Variants in KIF6 observed in about 807,000 individuals in gnomAD.
KIF6 encodes the protein kinesin-like protein KIF6.
Under a neutral mutation model 112.7 loss-of-function variants are expected in KIF6, and 106 were observed. The ratio of observed to expected loss-of-function variants is 0.94; its 90% CI spans 0.80 to 1.11. The LOEUF is 1.11. KIF6 is among the 50% of genes least tolerant of loss of function. The pLI is 0.00. For missense variants in KIF6, 929 were observed against 964.0 expected, an observed-to-expected ratio of 0.96 and a Z score of 0.48; for synonymous variants, 339 against 339.9, an observed-to-expected ratio of 1.00 and a Z score of 0.03.
intron 13 of KIF6, among the ~76,000 whole-genome samples, chr6:39,515,094 A>G (rs1287618007): frequency 1.3e-5 from 2 of 152,224 alleles, no homozygotes; most frequent in Non-Finnish European, 2.9e-5. Flanking sequence ...TGCACATTAA[A>G]TTCATGTGGA....
chr6:39,714,524 T>C (rs1397361441), intron 3 of KIF6, among the ~76,000 whole-genome samples, 168 bp downstream of exon 3: 1 of 152,184 alleles, frequency 6.6e-6, no homozygotes, highest in Non-Finnish European at 1.5e-5. Flanking sequence ...AGAATCTAAA[T>C]CTAAAACAAA....
chr6:39,685,912 A>C (rs1426659365), intron 3 of KIF6, among the ~76,000 whole-genome samples: 1 of 152,192 alleles, frequency 6.6e-6, no homozygotes, highest in East Asian at 1.9e-4. Context: ...CTTTGTAGCA[A>C]ATTAAACTCA....
intron 13 of KIF6, among the ~76,000 whole-genome samples, chr6:39,518,634 T>C (rs1271555596): frequency 6.6e-6 from 1 of 152,218 alleles, no homozygotes; most frequent in South Asian, 2.1e-4. Flanking sequence ...AAGGAAAAGA[T>C]GTCATGTATA....
rs532024724 is a variant in KIF6 at position 39,569,249 on chromosome 6, T to TAA, written c.1181+8805_1181+8806dup. Among the ~76,000 whole-genome samples, 54 of 152,358 alleles carry TAA rather than the reference T, an allele frequency of 3.5e-4. 1 individual carries two copies. In the South Asian group the frequency reaches 9.5e-3, roughly 27 times the overall value. On this transcript the variant is annotated intron_variant, in intron 10 of 22. Transcript: ENST00000287152. ...TTAAGTACTGACAAGAGACTGTCCC[T>TAA]AAAAGACTGGTTTGGTATCTAATTT...
chr6:39,464,964 C>CA (rs1773703243), intron 13 of KIF6, among the ~76,000 whole-genome samples: 1 of 152,184 alleles, frequency 6.6e-6, no homozygotes, highest in African/African-American at 2.4e-5. Flanking sequence ...TGCTTGTTAG[C>CA]CACTTGAGCA....
intron 13 of KIF6, among the ~76,000 whole-genome samples, chr6:39,523,534 C>T (rs1777514521): frequency 6.6e-6 from 1 of 150,890 alleles, no homozygotes; most frequent in South Asian, 2.1e-4. Context: ...CAACCAAATG[C>T]TTTTGCAACA....
chr6:39,444,370 G>A (rs1462119867), intron 13 of KIF6, among the ~76,000 whole-genome samples: 1 of 152,138 alleles, frequency 6.6e-6, no homozygotes, highest in African/African-American at 2.4e-5. Context: ...GCAGGTATAT[G>A]TTGTGAATGA....
At chr6:39,662,992 T>C (rs1447243900) in intron 3 of KIF6, among the ~76,000 whole-genome samples, 1 of 151,830 alleles carries the variant, frequency 6.6e-6, no homozygotes, top group African/African-American at 2.4e-5. Flanking sequence ...CCTCACAGAC[T>C]CAATTGATCC....
chr6:39,461,438 T>C (rs1332024735), intron 13 of KIF6, among the ~76,000 whole-genome samples: 1 of 152,210 alleles, frequency 6.6e-6, no homozygotes, highest in African/African-American at 2.4e-5. Flanking sequence ...GAAACTATGA[T>C]GTAAGTCATA....
At chr6:39,720,907 A>G in intron 1 of KIF6, 96 bp from the exon 2 acceptor site, 1 of 637,624 alleles carries the variant, frequency 1.6e-6, no homozygotes, top group Non-Finnish European at 2.8e-6. Context: ...TGAAAATTAT[A>G]CTCTTAAGAT....
chr6:39,680,882 T>C (rs1483365530), intron 3 of KIF6, among the ~76,000 whole-genome samples: 1 of 152,162 alleles, frequency 6.6e-6, no homozygotes, highest in African/African-American at 2.4e-5. Context: ...AGGTGGGGAA[T>C]GCAAAAGTGA....
At chr6:39,572,529 T>G (rs1210363902) in intron 10 of KIF6, among the ~76,000 whole-genome samples, 1 of 152,124 alleles carries the variant, frequency 6.6e-6, no homozygotes, top group South Asian at 2.1e-4. Flanking sequence ...TCCAGACACT[T>G]TGGGGCAAGA....
intron 10 of KIF6, among the ~76,000 whole-genome samples, chr6:39,577,040 T>C (rs768074956): frequency 3.9e-5 from 6 of 152,212 alleles, no homozygotes; most frequent in Non-Finnish European, 8.8e-5. Context: ...AGAAATGACA[T>C]AAAACTTTTT....
intron 13 of KIF6, among the ~76,000 whole-genome samples, chr6:39,501,019 C>T (rs1278471706): frequency 1.3e-5 from 2 of 152,126 alleles, no homozygotes. Context: ...GGATACAGCA[C>T]CTTCAACTGA....
At chr6:39,610,159 T>G (rs1358123563) in intron 6 of KIF6, among the ~76,000 whole-genome samples, 1 of 152,318 alleles carries the variant, frequency 6.6e-6, no homozygotes, top group Middle Eastern at 3.4e-3. Flanking sequence ...TTGCGACTGG[T>G]GGACTTGGAT....
intron 1 of KIF6, 118 bp from the exon 2 acceptor site, chr6:39,720,929 A>T: frequency 3.4e-6 from 2 of 591,440 alleles, no homozygotes; most frequent in East Asian, 5.6e-5. Flanking sequence ...AAAAAGTCAT[A>T]ATATCATATA....
At chr6:39,650,936 GA>G (rs199911143) in intron 3 of KIF6, among the ~76,000 whole-genome samples, 49 of 149,384 alleles carry the variant, frequency 3.3e-4, no homozygotes, top group Middle Eastern at 3.4e-3. Flanking sequence ...GAATTTACAG[GA>G]AAAAAAAAAT....
chr6:39,400,443 T>C lies in KIF6; in HGVS notation c.1811-14771A>G, dbSNP rs893843167. 7.2e-4 allele frequency among the ~76,000 whole-genome samples: 110 copies of C among 152,366 alleles called. 1 individual carries two copies. The highest frequency in any genetic ancestry group is 2.5e-3 in the African/African-American group (106 of 41,590). On this transcript the variant is annotated intron_variant, in intron 15 of 22. Transcript: ENST00000287152. ...TAAAAATATCAAAAGCAAGTATTTT[T>C]CAGACAGCTTTATACCGGCCACACT...
intron 3 of KIF6, among the ~76,000 whole-genome samples, chr6:39,645,588 G>T (rs1276391895): frequency 6.6e-6 from 1 of 152,112 alleles, no homozygotes. Flanking sequence ...TTGCATCGAT[G>T]TTCATCAGGG....
Sources: allele counts gnomAD v4.1 joint callset (sites outside exome capture counted in the v4.1 genomes callset), GRCh38; gene constraint gnomAD v4.1.1; transcripts MANE v1.5; gene names NCBI Gene and HGNC (gene_info 2026-07-23, HGNC 2026-07-21).